The following RANBP17 variants were observed in gnomAD, a reference collection of about 807,000 sequenced individuals.
RANBP17 encodes the protein RAN binding protein 17.
Under a neutral mutation model 141.2 loss-of-function variants are expected in RANBP17, and 158 were observed. The observed-to-expected ratio is 1.12, with a 90% CI of 0.98 to 1.28. The LOEUF (loss-of-function observed/expected upper bound fraction) is 1.28, where lower values mean the gene tolerates loss of function less well. Ranked by LOEUF, RANBP17 falls within the 50% of genes most tolerant of loss-of-function variation. RANBP17 has a pLI of 0.00. For missense variants in RANBP17, 1,438 were observed against 1,290.7 expected (o/e 1.11, Z -1.75); for synonymous variants, 430 against 450.0 (o/e 0.96, Z 0.56).
intron 14 of RANBP17, among the ~76,000 whole-genome samples, chr5:171,081,077 G>T (rs549327754): frequency 6.6e-6 from 1 of 152,122 alleles, no homozygotes; most frequent in Non-Finnish European, 1.5e-5. Flanking sequence ...CTCTAAGTTC[G>T]TCTGACTAGT....
At chr5:171,265,177 A>G (rs1470671420) in intron 24 of RANBP17, among the ~76,000 whole-genome samples, 1 of 152,190 alleles carries the variant, frequency 6.6e-6, no homozygotes, top group Non-Finnish European at 1.5e-5. Flanking sequence ...CTATCCAGGA[A>G]TTATTTATTT....
chr5:171,064,423 A>G (rs987199533), intron 14 of RANBP17, among the ~76,000 whole-genome samples: 9 of 152,258 alleles, frequency 5.9e-5, no homozygotes, highest in Admixed American at 4.6e-4. Flanking sequence ...ATGAAATTAC[A>G]TATGTTTTTA....
chr5:171,120,168 G>GTC (rs1242504267), intron 14 of RANBP17, among the ~76,000 whole-genome samples: 1 of 151,950 alleles, frequency 6.6e-6, no homozygotes, highest in Non-Finnish European at 1.5e-5. Context: ...AACAAATGGA[G>GTC]TCTCTCTCTC....
chr5:170,892,656 A>T (rs1023748492), intron 4 of RANBP17, 103 bp downstream of exon 4: 21 of 765,010 alleles, frequency 2.7e-5, no homozygotes, highest in Middle Eastern at 3.9e-4. Flanking sequence ...GACTACCAGT[A>T]CCATGTTAAT....
intron 14 of RANBP17, among the ~76,000 whole-genome samples, chr5:171,125,350 C>A (rs554202598): frequency 1.6e-5 from 2 of 122,324 alleles, no homozygotes; most frequent in South Asian, 2.7e-4. Flanking sequence ...ATTCCACACA[C>A]ACAGTAACCA....
intron 5 of RANBP17, among the ~76,000 whole-genome samples, chr5:170,906,360 T>G (rs2127413142): frequency 6.6e-6 from 1 of 152,128 alleles, no homozygotes; most frequent in Non-Finnish European, 1.5e-5. Flanking sequence ...AAAATGTCCC[T>G]CAATTTGGGA....
intron 22 of RANBP17, among the ~76,000 whole-genome samples, chr5:171,235,048 G>C (rs943066599): frequency 6.6e-6 from 1 of 152,174 alleles, no homozygotes; most frequent in Admixed American, 6.6e-5. Context: ...TGGCAAAGAA[G>C]AGTGAGAAGG....
At chr5:170,982,688 A>G (rs1777857088) in intron 14 of RANBP17, among the ~76,000 whole-genome samples, 1 of 152,176 alleles carries the variant, frequency 6.6e-6, no homozygotes, top group African/African-American at 2.4e-5. Flanking sequence ...AATACTAGAA[A>G]TTCTCCTGTA....
intron 14 of RANBP17, among the ~76,000 whole-genome samples, chr5:171,008,016 A>G (rs987983685): frequency 6.6e-6 from 1 of 152,216 alleles, no homozygotes; most frequent in South Asian, 2.1e-4. Context: ...GAATATGGGT[A>G]AATGACCAAG....
intron 2 of RANBP17, among the ~76,000 whole-genome samples, chr5:170,878,716 C>G: frequency 6.6e-6 from 1 of 152,126 alleles, no homozygotes; most frequent in East Asian, 1.9e-4. Context: ...AGATGCTGTA[C>G]TGCTTACTTG....
Position 171,232,251 on chromosome 5 carries a change from A to G in RANBP17, c.2423-8677A>G, listed in dbSNP as rs186122950. The stretch of plus-strand genomic sequence containing the variant: ...TTTTATTCAAAAAAGGTAGTGAATC[A>G]TACTTAAATTTGTAATTAAATTATT... On this transcript the variant is annotated intron_variant, in intron 22 of 27. Coordinates refer to ENST00000523189, the MANE Select transcript of RANBP17 (RefSeq NM_022897.5). Among the ~76,000 whole-genome samples, 5 of 152,318 alleles carry G rather than the reference A, an allele frequency of 3.3e-5. No individual in the cohort carries two copies. The East Asian group carries it at 7.7e-4, about 23-fold the overall frequency.
chr5:171,066,654 A>C (rs762992070), intron 14 of RANBP17, among the ~76,000 whole-genome samples: 13 of 152,192 alleles, frequency 8.5e-5, no homozygotes, highest in Admixed American at 3.3e-4. Context: ...TTTCTTCAAC[A>C]TACCTATTTC....
intron 27 of RANBP17, among the ~76,000 whole-genome samples, chr5:171,298,249 A>G (rs1186774424): frequency 1.3e-5 from 2 of 152,212 alleles, no homozygotes; most frequent in African/African-American, 2.4e-5. Context: ...CACCGGACTC[A>G]TAAGTGGTAG....
chr5:171,296,421 G>C (rs1368320239), intron 27 of RANBP17, among the ~76,000 whole-genome samples: 2 of 152,174 alleles, frequency 1.3e-5, no homozygotes, highest in African/African-American at 4.8e-5. Context: ...TTAGGATCCT[G>C]ACTATAGCTA....
intron 14 of RANBP17, among the ~76,000 whole-genome samples, chr5:171,029,671 C>T (rs1241135286): frequency 6.6e-6 from 1 of 151,954 alleles, no homozygotes; most frequent in Non-Finnish European, 1.5e-5. Flanking sequence ...CAGTTTTGTA[C>T]CTTGATGCTA....
At chr5:170,965,224 T>C (rs1430411599) in intron 13 of RANBP17, among the ~76,000 whole-genome samples, 1 of 144,754 alleles carries the variant, frequency 6.9e-6, no homozygotes, top group East Asian at 2.1e-4. Flanking sequence ...TCATGTCTTT[T>C]GCCCACTTTT....
chr5:171,141,190 C>T lies in RANBP17; in HGVS notation c.1711-28940C>T, dbSNP rs576612609. Among the ~76,000 whole-genome samples the T allele has an allele frequency of 2.6e-5, 4 of 152,094 alleles. No homozygotes were observed. The South Asian group carries it at 8.3e-4, about 32-fold the overall frequency. On this transcript the variant is annotated intron_variant, in intron 14 of 27. Coordinates refer to ENST00000523189, the MANE Select transcript of RANBP17 (RefSeq NM_022897.5). ...GGACCTTTCACTATAACATGATTTC[C>T]TAAATCCAGGCCAAGATAAGATCTC... is the stretch of plus-strand genomic sequence containing the variant.
chr5:171,090,116 G>C (rs1786121133), intron 14 of RANBP17, among the ~76,000 whole-genome samples: 1 of 152,200 alleles, frequency 6.6e-6, no homozygotes, highest in African/African-American at 2.4e-5. Context: ...AAACAGTTTT[G>C]AGGGCTCAGA....
rs36104512 is a variant in RANBP17, at chr5:171,170,186, G to A, written c.1767G>A (p.Glu589=). Residue 589 remains glutamate (E), a synonymous_variant, in exon 15 of 28, where the codon GAG becomes GAA. Coordinates refer to ENST00000523189, the MANE Select transcript of RANBP17 (RefSeq NM_022897.5). The part of the protein sequence containing the change: ...LGITDDNHVL[E]TFMTKIVTNL... ...TAACAGATGACAACCACGTTCTAGA[G>A]ACGTTCATGACAAAAATGTGAGTTC... 0.05 allele frequency: 78,740 copies of A among 1,564,148 alleles called. 2,871 individuals carry two copies. The highest frequency in any genetic ancestry group is 0.17 in the African/African-American group (12,324 of 73,012).
Sources: allele counts gnomAD v4.1 joint callset (sites outside exome capture counted in the v4.1 genomes callset), GRCh38; gene constraint gnomAD v4.1.1; transcripts MANE v1.5; gene names NCBI Gene and HGNC (gene_info 2026-07-23, HGNC 2026-07-21).